The following WFS1 variants were observed in gnomAD, a reference collection of about 807,000 sequenced individuals.
WFS1 encodes wolframin.
Under a neutral mutation model 68.5 loss-of-function variants are expected in WFS1, and 90 were observed. The ratio of observed to expected loss-of-function variants is 1.31; its 90% CI spans 1.11 to 1.56. WFS1 has a LOEUF of 1.56. Among genes scored for constraint, WFS1 ranks in the 40% most tolerant of loss-of-function variants. WFS1 has a pLI of 0.00. For synonymous variants in WFS1, 860 were observed against 540.7 expected (o/e 1.59, Z -8.19); for missense variants, 1,767 against 1,232.6 (o/e 1.43, Z -6.49).
At chr4:6,284,325 A>AT (rs1231741343) in intron 2 of WFS1, among the ~76,000 whole-genome samples, 2 of 152,302 alleles carry the variant, frequency 1.3e-5, no homozygotes, top group African/African-American at 4.8e-5. Flanking sequence ...GCGAGCCGAG[A>AT]TTTTGTCATT....
intron 4 of WFS1, among the ~76,000 whole-genome samples, chr4:6,290,198 CA>C (rs1162734627): frequency 1.3e-5 from 2 of 152,238 alleles, no homozygotes; most frequent in Non-Finnish European, 2.9e-5. Context: ...CTTGGCCTCC[CA>C]AAGTGATGAG....
At position 6,300,719 on chromosome 4, in the gene WFS1, C is replaced by G; in HGVS notation, c.924C>G (p.Ser308=). The G allele has an allele frequency of 6.2e-7, 1 of 1,614,082 alleles. No homozygotes were observed. The highest frequency in any genetic ancestry group is 8.5e-7 in the Non-Finnish European group (1 of 1,179,984). Residue 308 remains serine, a synonymous_variant, in exon 8 of 8, where the codon TCC becomes TCG. Transcript: ENST00000226760. The part of the protein sequence containing the change: ...EIKEYLIDMA[S]RAGMHWLSTI... ...AGGAGTACCTGATTGACATGGCCTC[C>G]AGGGCAGGCATGCACTGGCTGTCCA...
chr4:6,277,084 T>C (rs1730015924), intron 1 of WFS1, among the ~76,000 whole-genome samples: 1 of 152,248 alleles, frequency 6.6e-6, no homozygotes, highest in Non-Finnish European at 1.5e-5. Context: ...TTCAGCCCCC[T>C]GCAGCCAGGC....
intron 1 of WFS1, among the ~76,000 whole-genome samples, chr4:6,272,640 A>T (rs1465335821): frequency 6.6e-6 from 1 of 152,256 alleles, no homozygotes; most frequent in African/African-American, 2.4e-5. Context: ...TTTCAAAAAC[A>T]TCACACATTC....
intron 6 of WFS1, among the ~76,000 whole-genome samples, chr4:6,293,056 G>A (rs1324686797): frequency 1.3e-5 from 2 of 152,198 alleles, no homozygotes; most frequent in Non-Finnish European, 2.9e-5. Context: ...GTGACTCTAG[G>A]AAGCCCGAGG....
At chr4:6,271,406 G>A (rs1281844709) in intron 1 of WFS1, among the ~76,000 whole-genome samples, 3 of 152,204 alleles carry the variant, frequency 2.0e-5, no homozygotes, top group Admixed American at 6.5e-5. Context: ...GACCAGTGCT[G>A]GACAGGCTTC....
intron 6 of WFS1, among the ~76,000 whole-genome samples, chr4:6,292,835 C>T (rs1446687493): frequency 2.0e-5 from 3 of 152,138 alleles, no homozygotes; most frequent in South Asian, 2.1e-4. Flanking sequence ...TGAAGGACCT[C>T]GCCCATCCTA....
rs575778537 is a variant in WFS1 at position 6,301,980 on chromosome 4, G to A, written c.2185G>A (p.Asp729Asn). Residue 729 changes from aspartate (D) to asparagine (N), a missense_variant, in exon 8 of 8, where the codon GAC (aspartate) becomes AAC (asparagine). Physicochemically the swap from Asp to Asn is conservative, Grantham distance 23. Transcript: ENST00000226760. ...AINMLPFFIG[D>N]WMRCLYGEAY... ...CAACATGCTCCCGTTCTTCATCGGC[G>A]ACTGGATGCGCTGCCTCTACGGCGA... 7.6e-5 allele frequency: 123 copies of A among 1,612,746 alleles called. 1 individual carries two copies. In the South Asian group the frequency reaches 1.1e-3, roughly 14 times the overall value.
chr4:6,289,215 AC>A, intron 4 of WFS1, 84 bp downstream of exon 4: 1 of 1,485,616 alleles, frequency 6.7e-7, no homozygotes, highest in African/African-American at 1.4e-5. Context: ...CTAAAATCTT[AC>A]CAAACCTAAC....
At chr4:6,297,049 C>CA (rs1277708094) in intron 7 of WFS1, among the ~76,000 whole-genome samples, 1 of 152,164 alleles carries the variant, frequency 6.6e-6, no homozygotes. Flanking sequence ...ACGCTGGTCT[C>CA]AAACTCCTGG....
At chr4:6,285,023 G>A (rs1730271893) in intron 2 of WFS1, among the ~76,000 whole-genome samples, 1 of 151,616 alleles carries the variant, frequency 6.6e-6, no homozygotes, top group South Asian at 2.1e-4. Context: ...TGGATTCAGG[G>A]AGCACCAAGG....
In WFS1 at chr4:6,283,714, G is replaced by A. The variant is rs562859379; in HGVS notation, c.233-3379G>A. ...GTCAGGGAGATGACCTGGCAACTCT[G>A]ATTGGCCAGGTGGGGGTGCGGGCCT... On this transcript the variant is annotated intron_variant, in intron 2 of 7. Coordinates refer to ENST00000226760, the MANE Select transcript of WFS1 (RefSeq NM_006005.3). This position sits in a 1 kb window ranked among gnomAD's most constrained non-coding sequence, Gnocchi z 5.0. Among the ~76,000 whole-genome samples, 50 of 152,348 alleles carry A rather than the reference G, an allele frequency of 3.3e-4. No homozygotes were observed. Among genetic ancestry groups the A allele is most frequent in the African/African-American group, 1.1e-3 (45 of 41,570 alleles).
rs1289620557 is a variant in WFS1, at chr4:6,283,382, A to G, written c.233-3711A>G. Reference sequence around the variant, plus strand: ...AGTGACAAAATCTCAATATAAATTGACACAAGCCAAAAAAGTAGAGGGGCA... The same window carrying G: ...AGTGACAAAATCTCAATATAAATTGGCACAAGCCAAAAAAGTAGAGGGGCA... On this transcript the variant is annotated intron_variant, in intron 2 of 7. Coordinates refer to ENST00000226760, the MANE Select transcript of WFS1 (RefSeq NM_006005.3). This position sits in a 1 kb window ranked among gnomAD's most constrained non-coding sequence, Gnocchi z 5.0. Among the ~76,000 whole-genome samples, 3 of 152,220 alleles carry G rather than the reference A, an allele frequency of 2.0e-5. No homozygotes were observed. The highest frequency in any genetic ancestry group is 7.2e-5 in the African/African-American group (3 of 41,452).
chr4:6,301,503 C>G lies in WFS1; in HGVS notation c.1708C>G (p.Leu570Val), dbSNP rs1316644454. The change falls in exon 8 of 8, where the codon CTC (leucine) becomes GTC (valine). Residue 570 changes from leucine to valine, a missense_variant. Leu to Val is a conservative substitution (Grantham distance 32). Transcript: ENST00000226760. ...CGGCTACTTCCTCTTCCTCTTTGCC[C>G]TCCCCATCCTGGTGGCCGGCCTGGC... ...SIGYFLFLFA[L>V]PILVAGLALV... is the part of the protein sequence containing the mutation. 4 of 1,613,436 alleles carry G rather than the reference C, an allele frequency of 2.5e-6. No individual in the cohort carries two copies. Among genetic ancestry groups the G allele is most frequent in the Non-Finnish European group, 3.4e-6 (4 of 1,179,940 alleles).
intron 7 of WFS1, among the ~76,000 whole-genome samples, chr4:6,298,684 G>A (rs1730724298): frequency 6.6e-6 from 1 of 152,116 alleles, no homozygotes; most frequent in Non-Finnish European, 1.5e-5. Context: ...TTTCCTCCAT[G>A]AGCCTGCCCC....
At position 6,272,531 on chromosome 4, in the gene WFS1, TCAGGC is replaced by T. The variant is rs528961009; in HGVS notation, c.-6+2526_-6+2530del. Among the ~76,000 whole-genome samples the T allele has an allele frequency of 3.3e-3, 498 of 152,228 alleles. 1 individual carries two copies. Among genetic ancestry groups the T allele is most frequent in the Admixed American group, 8.0e-3 (122 of 15,308 alleles). On this transcript the variant is annotated intron_variant, in intron 1 of 7. Coordinates refer to ENST00000226760, the MANE Select transcript of WFS1 (RefSeq NM_006005.3). Reference sequence around the variant, plus strand: ...AGCAGCCCTGTGCCAGGGGGCTGGGTCAGGCCAGGCCAGAGCAGACATCCCAGGGC... The same window carrying T: ...AGCAGCCCTGTGCCAGGGGGCTGGGTCAGGCCAGAGCAGACATCCCAGGGC...
chr4:6,302,126 T>C lies in WFS1; in HGVS notation c.2331T>C (p.Ile777=), dbSNP rs1363563552. The change falls in exon 8 of 8, where the codon ATT becomes ATC. Residue 777 remains isoleucine (I), a synonymous_variant. Coordinates refer to ENST00000226760, the MANE Select transcript of WFS1 (RefSeq NM_006005.3). ...IKKFDRYKFE[I]TVGMPFSSGA... Reference sequence around the variant, plus strand: ...AGTTCGACCGCTACAAGTTTGAGATTACCGTGGGCATGCCATTCAGCAGCG... The same window carrying C: ...AGTTCGACCGCTACAAGTTTGAGATCACCGTGGGCATGCCATTCAGCAGCG... The C allele has an allele frequency of 6.2e-7, 1 of 1,612,934 alleles. No homozygotes were observed.
chr4:6,300,581 G>T lies in WFS1; in HGVS notation c.862-76G>T, dbSNP rs914965306. ...GGTTCCTTTTGCCCAGAGGCAGGGT[G>T]GTCAGAGGGAGGCGTGAGATGGGAG... is the stretch of plus-strand genomic sequence containing the variant. On this transcript the variant is annotated intron_variant, in intron 7 of 7. Transcript: ENST00000226760. 46 of 1,600,578 alleles carry T rather than the reference G, an allele frequency of 2.9e-5. No homozygotes were observed. In the Admixed American group the frequency reaches 7.9e-4, roughly 27 times the overall value.
chr4:6,289,185 G>A, intron 4 of WFS1, 54 bp downstream of exon 4: 1 of 1,530,266 alleles, frequency 6.5e-7, no homozygotes, highest in South Asian at 1.2e-5. Context: ...AGCTTGTAAT[G>A]CTGCTTGCTA....
Sources: gnomAD v4.1 joint callset for allele counts (sites outside exome capture counted in the v4.1 genomes callset) on GRCh38, gnomAD v4.1.1 for gene constraint, Gnocchi (gnomAD v3.1) non-coding constraint, MANE v1.5 for transcripts, NCBI Gene and HGNC (gene_info 2026-07-23, HGNC 2026-07-21) for gene names.